Variants in RFC3 observed in about 807,000 individuals in gnomAD.
RFC3 encodes replication factor C subunit 3, also known as A1 38 kDa subunit.
RFC3 carries 41 observed loss-of-function variants against 45.1 expected under a neutral mutation model. The ratio of observed to expected loss-of-function variants is 0.91; its 90% CI spans 0.71 to 1.18. The LOEUF (loss-of-function observed/expected upper bound fraction) is 1.18, where lower values mean the gene tolerates loss of function less well. Among genes scored for constraint, RFC3 ranks in the 50% most tolerant of loss-of-function variants. RFC3 has a pLI of 0.00. For synonymous variants in RFC3, 149 were observed against 144.0 expected (o/e 1.03, Z -0.25); for missense variants, 423 against 428.1 (o/e 0.99, Z 0.10).
intron 8 of RFC3, among the ~76,000 whole-genome samples, chr13:33,883,992 G>A (rs1367228844): frequency 6.6e-6 from 1 of 152,084 alleles, no homozygotes; most frequent in African/African-American, 2.4e-5. Flanking sequence ...TGTCACCAAT[G>A]TGTAGCCTTT....
intron 8 of RFC3, among the ~76,000 whole-genome samples, chr13:33,860,487 C>A (rs1211750796): frequency 6.6e-6 from 1 of 152,002 alleles, no homozygotes; most frequent in Non-Finnish European, 1.5e-5. Context: ...GGAGGCATTC[C>A]CAGTTGCCTC....
At chr13:33,848,764 A>G (rs1462389342) in intron 8 of RFC3, 1 of 152,136 alleles carries the variant, frequency 6.6e-6, no homozygotes. Flanking sequence ...AACCAAAAGC[A>G]TGGGTGTCAT....
intron 8 of RFC3, among the ~76,000 whole-genome samples, chr13:33,940,406 C>T (rs1346993040): frequency 6.6e-6 from 1 of 152,108 alleles, no homozygotes; most frequent in East Asian, 1.9e-4. Flanking sequence ...AGAATATTCT[C>T]TGGATAGTTT....
chr13:33,830,850 G>T lies in RFC3; in HGVS notation c.705G>T (p.Val235=). The part of the protein sequence containing the change: ...KALLMCEACR[V]QQYPFTADQE... The stretch of plus-strand genomic sequence containing the variant: ...TGCTTATGTGTGAAGCCTGCAGAGT[G>T]CAACAGTGAGTGGAAGGGGTAGTTA... The change falls in exon 6 of 9, where the codon GTG becomes GTT. Residue 235 remains valine (V), a synonymous_variant. Coordinates refer to ENST00000380071, the MANE Select transcript of RFC3 (RefSeq NM_002915.4). 1.9e-6 allele frequency: 3 copies of T among 1,611,642 alleles called. No homozygotes were observed. The highest frequency in any genetic ancestry group is 2.5e-6 in the Non-Finnish European group (3 of 1,179,272).
downstream of RFC3, among the ~76,000 whole-genome samples, chr13:33,970,398 A>G (rs997341154): frequency 6.6e-6 from 1 of 152,198 alleles, no homozygotes; most frequent in African/African-American, 2.4e-5. Flanking sequence ...ATGAACATAA[A>G]CATGCATGTA....
intron 8 of RFC3, among the ~76,000 whole-genome samples, chr13:33,873,367 C>T (rs866556483): frequency 6.6e-5 from 10 of 152,240 alleles, no homozygotes; most frequent in Middle Eastern, 6.8e-3. Flanking sequence ...ATTAAGTGAC[C>T]TGATAAAGTG....
chr13:33,911,665 G>A (rs1038360313), intron 8 of RFC3, among the ~76,000 whole-genome samples: 1 of 152,040 alleles, frequency 6.6e-6, no homozygotes, highest in Admixed American at 6.6e-5. Flanking sequence ...AAGAGGGACT[G>A]AACCCAAGGT....
intron 8 of RFC3, among the ~76,000 whole-genome samples, chr13:33,919,622 A>G (rs561937644): frequency 1.2e-4 from 18 of 152,228 alleles, no homozygotes; most frequent in African/African-American, 4.3e-4. Context: ...TAATGCCTAG[A>G]TGATTTTCAA....
chr13:33,959,111 A>C (rs1285865869), intron 8 of RFC3, among the ~76,000 whole-genome samples: 2 of 152,194 alleles, frequency 1.3e-5, no homozygotes, highest in Admixed American at 6.6e-5. Context: ...AGAGATCCAC[A>C]GAGTGCCCTT....
chr13:33,824,358 C>G (rs1057319672), intron 3 of RFC3, among the ~76,000 whole-genome samples: 1 of 152,008 alleles, frequency 6.6e-6, no homozygotes, highest in Admixed American at 6.6e-5. Context: ...CTTTGGGTTG[C>G]CAAATCTTTC....
In RFC3 at chr13:33,836,320, A is replaced by G. The variant is rs1303997920; in HGVS notation, c.*25A>G. On this transcript the variant is annotated 3_prime_UTR_variant, in exon 9 of 9. Coordinates refer to ENST00000380071, the MANE Select transcript of RFC3 (RefSeq NM_002915.4). ...ACTTCTGTCAGTTATTCTTGCAAAG[A>G]TTTCTCAGTATCAGTATTTACATAC... 1 of 1,609,472 alleles carries G rather than the reference A, an allele frequency of 6.2e-7. No individual in the cohort carries two copies. Among genetic ancestry groups the G allele is most frequent in the Admixed American group, 1.7e-5 (1 of 59,882 alleles).
At chr13:33,898,235 T>C (rs2082614312) in intron 8 of RFC3, among the ~76,000 whole-genome samples, 1 of 152,018 alleles carries the variant, frequency 6.6e-6, no homozygotes, top group African/African-American at 2.4e-5. Context: ...TAAAATATTC[T>C]CTGGAATAAA....
chr13:33,835,296 G>A (rs746545160), intron 8 of RFC3, 79 bp downstream of exon 8: 3 of 860,710 alleles, frequency 3.5e-6, no homozygotes, highest in South Asian at 1.3e-5. Context: ...GCTTTTTGCA[G>A]TATCAAGATA....
intron 8 of RFC3, chr13:33,849,116 CAT>C (rs965797780): frequency 1.2e-4 from 18 of 152,386 alleles, no homozygotes; most frequent in African/African-American, 4.1e-4. Context: ...TATTCTATGT[CAT>C]GTGTGCTGTG....
intron 8 of RFC3, among the ~76,000 whole-genome samples, chr13:33,873,633 G>A (rs1259891343): frequency 2.0e-5 from 3 of 152,104 alleles, no homozygotes; most frequent in African/African-American, 7.2e-5. Flanking sequence ...CTAGATTCTG[G>A]TGCCTTGAAT....
At chr13:33,907,032 A>G (rs973967758) in intron 8 of RFC3, among the ~76,000 whole-genome samples, 1 of 152,004 alleles carries the variant, frequency 6.6e-6, no homozygotes, top group Non-Finnish European at 1.5e-5. Flanking sequence ...GGGTCTCACT[A>G]TGTTGCCCAG....
At chr13:33,880,849 A>G (rs2082478493) in intron 8 of RFC3, among the ~76,000 whole-genome samples, 1 of 152,174 alleles carries the variant, frequency 6.6e-6, no homozygotes, top group Non-Finnish European at 1.5e-5. Flanking sequence ...CAAGGTCAGG[A>G]GTTCGAGACC....
intron 8 of RFC3, among the ~76,000 whole-genome samples, chr13:33,858,094 C>T (rs567921947): frequency 4.6e-5 from 7 of 152,168 alleles, no homozygotes; most frequent in Non-Finnish European, 7.4e-5. Flanking sequence ...AAGGATGGAG[C>T]GGAAGGGACC....
chr13:33,968,358 C>T (rs895616008), downstream of RFC3, among the ~76,000 whole-genome samples: 3 of 152,200 alleles, frequency 2.0e-5, no homozygotes, highest in African/African-American at 4.8e-5. Context: ...AAACTCCCGA[C>T]CTCAAGTGAT....
Sources: gnomAD v4.1 joint callset for allele counts (sites outside exome capture counted in the v4.1 genomes callset) on GRCh38, gnomAD v4.1.1 for gene constraint, MANE v1.5 for transcripts, NCBI Gene and HGNC (gene_info 2026-07-23, HGNC 2026-07-21) for gene names.